Variants in TRPA1 observed in about 807,000 individuals in gnomAD.
TRPA1 encodes transient receptor potential cation channel subfamily A member 1.
A neutral mutation model predicts 131.3 loss-of-function variants in TRPA1; 129 were observed. That is an observed-to-expected ratio of 0.98 (90% CI 0.85 to 1.14). TRPA1 has a LOEUF of 1.14. Among genes scored for constraint, TRPA1 ranks in the 50% most tolerant of loss-of-function variants. TRPA1 has a pLI of 0.00. For missense variants in TRPA1, 1,304 were observed against 1,354.2 expected, an observed-to-expected ratio of 0.96 and a Z score of 0.58; for synonymous variants, 441 against 451.7, an observed-to-expected ratio of 0.98 and a Z score of 0.30.
At chr8:72,082,613 T>G in the TRPA1 span, among the ~76,000 whole-genome samples, 1 of 152,054 alleles carries the variant, frequency 6.6e-6, no homozygotes, top group African/African-American at 2.4e-5. Flanking sequence ...ACACATTTCT[T>G]TCATCACTTT....
chr8:72,071,854 C>T lies in TRPA1; in HGVS notation c.125G>A (p.Gly42Glu). 6.2e-7 allele frequency: 1 copy of T among 1,611,658 alleles called. No homozygotes were observed. The highest frequency in any genetic ancestry group is 1.7e-5 in the Admixed American group (1 of 59,990). Residue 42 changes from glycine (G) to glutamate (E), a missense_variant, in exon 2 of 27, where the codon GGA (glycine) becomes GAA (glutamate). By Grantham distance (98) the Gly-to-Glu change is moderately conservative (BLOSUM62 -2). Coordinates refer to ENST00000262209, the MANE Select transcript of TRPA1 (RefSeq NM_007332.3). ...FKESLKVVFE[G>E]SAYGLQNFNK... ...AAAGTTTTGTAATCCATATGCACTTCCTTCAAAAACCACCTAGAGGTATTT... is the reference window on the plus strand; with the variant it reads ...AAAGTTTTGTAATCCATATGCACTTTCTTCAAAAACCACCTAGAGGTATTT...
At chr8:72,071,919 G>A in intron 1 of TRPA1, 52 bp from the exon 2 acceptor site, 1 of 1,530,742 alleles carries the variant, frequency 6.5e-7, no homozygotes, top group Non-Finnish European at 9.0e-7. Flanking sequence ...AAAACTTATG[G>A]CTATAATCAT....
intron 14 of TRPA1, among the ~76,000 whole-genome samples, chr8:72,052,353 C>T (rs905030780): frequency 4.6e-5 from 7 of 152,028 alleles, no homozygotes; most frequent in East Asian, 3.9e-4. Flanking sequence ...GCCCGGGAGG[C>T]GGAGGTTGCA....
intron 13 of TRPA1, 189 bp downstream of exon 13, chr8:72,053,564 C>CCA: frequency 1.6e-6 from 1 of 620,264 alleles, no homozygotes; most frequent in Non-Finnish European, 2.9e-6. Context: ...TTCACCCACC[C>CCA]CTTGGTATTC....
At chr8:72,053,921 G>T in intron 12 of TRPA1, 54 bp from the exon 13 acceptor site, 1 of 1,336,508 alleles carries the variant, frequency 7.5e-7, no homozygotes, top group Non-Finnish European at 1.1e-6. Context: ...TGAAATGCGG[G>T]ATGGGATGCC....
At chr8:72,057,333 G>C (rs1805694550) in intron 9 of TRPA1, among the ~76,000 whole-genome samples, 1 of 152,130 alleles carries the variant, frequency 6.6e-6, no homozygotes, top group South Asian at 2.1e-4. Flanking sequence ...AGATAGCAGA[G>C]AAGGACACCT....
In TRPA1 at chr8:72,075,337, C is replaced by G; in HGVS notation, c.73G>C (p.Val25Leu). 6.2e-7 allele frequency: 1 copy of G among 1,613,434 alleles called. No individual in the cohort carries two copies. Among genetic ancestry groups the G allele is most frequent in the Non-Finnish European group, 8.5e-7 (1 of 1,179,836 alleles). Residue 25 changes from valine (V) to leucine (L), a missense_variant, in exon 1 of 27, where the codon GTG becomes CTG. Transcript: ENST00000262209. ...TTGAAATCCTCCGTGTCGTCCGGCA[C>G]ATCCTCATAGACAACGCCCTGGGGC... ...KEPQGVVYED[V>L]PDDTEDFKES... is the part of the protein sequence containing the mutation.
chr8:72,059,325 T>G, intron 8 of TRPA1, 65 bp downstream of exon 8: 1 of 1,094,506 alleles, frequency 9.1e-7, no homozygotes, highest in Non-Finnish European at 1.3e-6. Flanking sequence ...ATCCATATTA[T>G]GTAATTATAC....
chr8:72,036,341 A>T lies in TRPA1; in HGVS notation c.2502T>A (p.Cys834Ter). 6.2e-7 allele frequency: 1 copy of T among 1,614,180 alleles called. No homozygotes were observed. Among genetic ancestry groups the T allele is most frequent in the Non-Finnish European group, 8.5e-7 (1 of 1,180,010 alleles). ...VEIPAHLQWQ[C>*]GAIAVYFYWM... is the part of the protein sequence containing the mutation. Reference sequence around the variant, plus strand: ...AATAGAAGTAAACAGCAATTGCTCCACATTGCCACTGCAGATGAGCTGGTA... The same window carrying T: ...AATAGAAGTAAACAGCAATTGCTCCTCATTGCCACTGCAGATGAGCTGGTA... Residue 834 changes from cysteine to a stop codon, truncating the protein, a stop_gained, in exon 21 of 27, where the codon TGT becomes TGA. Coordinates refer to ENST00000262209, the MANE Select transcript of TRPA1 (RefSeq NM_007332.3). LOFTEE classifies it high-confidence loss of function.
Position 72,029,895 on chromosome 8 carries a change from A to G in TRPA1, c.2937+6T>C, listed in dbSNP as rs186828882. 7,174 of 1,613,732 alleles carry G rather than the reference A, an allele frequency of 4.4e-3. 38 individuals are homozygous for G. The highest frequency in any genetic ancestry group is 4.6e-3 in the Non-Finnish European group (5,419 of 1,179,660). On this transcript the variant is annotated splice_donor_region_variant and intron_variant, in intron 24 of 26. Coordinates refer to ENST00000262209, the MANE Select transcript of TRPA1 (RefSeq NM_007332.3). ...ACTGTAATAAGTGGGGAGGCACTGCACTTACCTGCATAGCTATCCTCTTCA... is the reference window on the plus strand; with the variant it reads ...ACTGTAATAAGTGGGGAGGCACTGCGCTTACCTGCATAGCTATCCTCTTCA...
chr8:72,068,456 G>A (rs1474641740), intron 3 of TRPA1, among the ~76,000 whole-genome samples: 1 of 151,194 alleles, frequency 6.6e-6, no homozygotes, highest in Non-Finnish European at 1.5e-5. Flanking sequence ...ATGTTTCCCA[G>A]TGGTATCCTT....
chr8:72,059,425 CA>C lies in TRPA1; in HGVS notation c.957del (p.Phe319LeufsTer6). 1 of 1,583,642 alleles carries C rather than the reference CA, an allele frequency of 6.3e-7. No individual in the cohort carries two copies. Among genetic ancestry groups the C allele is most frequent in the Non-Finnish European group, 8.6e-7 (1 of 1,158,428 alleles). On this transcript the variant is annotated frameshift_variant, in exon 8 of 27. Coordinates refer to ENST00000262209, the MANE Select transcript of TRPA1 (RefSeq NM_007332.3). LOFTEE classifies it high-confidence loss of function. ...AAATAGTCTGCTAGCTCATGGTGAT[CA>C]AACAATGAAGCTCTGAAAAAACAGA... ...HETMLHRASL[F>X]DHHELADYLI...
chr8:72,034,636 C>T (rs530737489), intron 21 of TRPA1, among the ~76,000 whole-genome samples: 114 of 152,070 alleles, frequency 7.5e-4, no homozygotes, highest in Non-Finnish European at 7.1e-4. Context: ...GCTTTGTCAC[C>T]CAAGCTGGAG....
chr8:72,040,809 A>G (rs1812227041), intron 17 of TRPA1, among the ~76,000 whole-genome samples: 1 of 152,090 alleles, frequency 6.6e-6, no homozygotes, highest in African/African-American at 2.4e-5. Context: ...AGGGAAAAAG[A>G]GACAAAAAGT....
At chr8:72,067,343 GA>G (rs926110353) in intron 3 of TRPA1, among the ~76,000 whole-genome samples, 6 of 152,142 alleles carry the variant, frequency 3.9e-5, no homozygotes, top group Non-Finnish European at 5.9e-5. Flanking sequence ...AGAGGAGTCT[GA>G]AAATATTTTT....
At position 72,053,773 on chromosome 8, in the gene TRPA1, C is replaced by T; in HGVS notation, c.1624G>A (p.Asp542Asn). The change falls in exon 13 of 27, where the codon GAT (aspartate) becomes AAT (asparagine). Residue 542 changes from aspartate (D) to asparagine (N), a missense_variant. Asp to Asn is a conservative substitution (Grantham distance 23, BLOSUM62 1). Coordinates refer to ENST00000262209, the MANE Select transcript of TRPA1 (RefSeq NM_007332.3). ...VILDTNLKCT[D>N]RLDEDGNTAL... ...CATACCCCGTCTTCATCCAGGCGAT[C>T]TGTGCACTTCAAATTAGTATCAAGA... 6.2e-7 allele frequency: 1 copy of T among 1,612,496 alleles called. No individual in the cohort carries two copies. Among genetic ancestry groups the T allele is most frequent in the South Asian group, 1.1e-5 (1 of 90,940 alleles).
At chr8:72,052,997 G>GATGTGTGTGTGTGTGTGTGAT in intron 13 of TRPA1, 1 of 329,548 alleles carries the variant, frequency 3.0e-6, no homozygotes, top group Non-Finnish European at 5.7e-6. Flanking sequence ...GTGTGTGTGA[G>GATGTGTGTGTGTGTGTGTGAT]AGATAGAGAA....
rs745666052 is a variant in TRPA1 at position 72,055,869 on chromosome 8, T to C, written c.1195-14A>G. The C allele has an allele frequency of 1.7e-5, 28 of 1,612,310 alleles. No homozygotes were observed. Among genetic ancestry groups the C allele is most frequent in the Middle Eastern group, 1.6e-4 (1 of 6,078 alleles). On this transcript the variant is annotated splice_polypyrimidine_tract_variant and intron_variant, in intron 10 of 26. Coordinates refer to ENST00000262209, the MANE Select transcript of TRPA1 (RefSeq NM_007332.3). Reference sequence around the variant, plus strand: ...GATCTGTTGCATCTATAGGAAAAAATTAATATCATACAAATAACTCTGCTA... The same window carrying C: ...GATCTGTTGCATCTATAGGAAAAAACTAATATCATACAAATAACTCTGCTA...
the TRPA1 span, among the ~76,000 whole-genome samples, chr8:72,089,384 C>T: frequency 6.6e-6 from 1 of 152,036 alleles, no homozygotes; most frequent in Non-Finnish European, 1.5e-5. Flanking sequence ...CACCACAACC[C>T]ACACGAGTAA....
Sources: allele counts gnomAD v4.1 joint callset (sites outside exome capture counted in the v4.1 genomes callset), GRCh38; gene constraint gnomAD v4.1.1; transcripts MANE v1.5; gene names NCBI Gene and HGNC (gene_info 2026-07-23, HGNC 2026-07-21).